The following AMPH variants were observed in gnomAD, a reference collection of about 807,000 sequenced individuals.
AMPH encodes the protein amphiphysin.
AMPH carries 49 observed loss-of-function variants against 99.1 expected under a neutral mutation model. The ratio of observed to expected loss-of-function variants is 0.49; its 90% CI spans 0.39 to 0.63. AMPH has a LOEUF of 0.63. Ranked by LOEUF, AMPH falls within the 20% of genes least tolerant of loss-of-function variation. The pLI is 0.00. For missense variants in AMPH, 759 were observed against 863.4 expected, an observed-to-expected ratio of 0.88 and a Z score of 1.52; for synonymous variants, 314 against 317.3, an observed-to-expected ratio of 0.99 and a Z score of 0.11.
chr7:38,481,354 G>T (rs988933220), intron 5 of AMPH, among the ~76,000 whole-genome samples: 2 of 151,790 alleles, frequency 1.3e-5, no homozygotes, highest in African/African-American at 4.8e-5. Flanking sequence ...AAGAGAAAAA[G>T]AAGTTGTTGA....
chr7:38,476,729 G>T (rs1390609813), intron 6 of AMPH, 133 bp downstream of exon 6: 3 of 604,422 alleles, frequency 5.0e-6, no homozygotes, highest in South Asian at 4.5e-5. Flanking sequence ...ATAATAAAAA[G>T]CACTATGTTT....
intron 13 of AMPH, 149 bp from the exon 14 acceptor site, chr7:38,430,014 G>C: frequency 1.4e-6 from 1 of 727,540 alleles, no homozygotes. Context: ...TTTGTGATAG[G>C]AATGATTTTT....
chr7:38,526,897 G>A (rs879326406), intron 2 of AMPH, among the ~76,000 whole-genome samples: 73 of 152,202 alleles, frequency 4.8e-4, no homozygotes, highest in Admixed American at 4.3e-3. Context: ...AAAGCTTTAT[G>A]TTTTATATTT....
At chr7:38,476,000 G>A (rs1788068404) in intron 6 of AMPH, among the ~76,000 whole-genome samples, 2 of 152,186 alleles carry the variant, frequency 1.3e-5, no homozygotes, top group African/African-American at 4.8e-5. Flanking sequence ...GTACCTCACA[G>A]GTTGTTTTGA....
intron 1 of AMPH, among the ~76,000 whole-genome samples, chr7:38,549,656 G>T (rs1018252361): frequency 6.6e-6 from 1 of 152,194 alleles, no homozygotes; most frequent in Non-Finnish European, 1.5e-5. Flanking sequence ...CTTATTTCAT[G>T]TCCACAGGGA....
At chr7:38,559,345 G>T (rs1171543868) in intron 1 of AMPH, among the ~76,000 whole-genome samples, 1 of 152,238 alleles carries the variant, frequency 6.6e-6, no homozygotes, top group Non-Finnish European at 1.5e-5. Flanking sequence ...ACGATGAGGT[G>T]TAAATCTAAT....
At chr7:38,455,020 A>T (rs1327049622) in intron 11 of AMPH, among the ~76,000 whole-genome samples, 1 of 152,166 alleles carries the variant, frequency 6.6e-6, no homozygotes, top group Admixed American at 6.5e-5. Flanking sequence ...CTAAAAGAAG[A>T]CAGACCAAAG....
chr7:38,578,443 A>T (rs919508676), intron 1 of AMPH, among the ~76,000 whole-genome samples: 4 of 152,112 alleles, frequency 2.6e-5, no homozygotes, highest in South Asian at 2.1e-4. Flanking sequence ...TTTAACGAAA[A>T]TTTTTTTTAA....
intron 1 of AMPH, among the ~76,000 whole-genome samples, chr7:38,597,341 T>A (rs1793095299): frequency 6.6e-6 from 1 of 152,002 alleles, no homozygotes; most frequent in Non-Finnish European, 1.5e-5. Flanking sequence ...CTACTGAATA[T>A]TTGCCCCATA....
chr7:38,590,699 C>T lies in AMPH; in HGVS notation c.69+40584G>A, dbSNP rs1489617019. On this transcript the variant is annotated intron_variant, in intron 1 of 20. Coordinates refer to ENST00000356264, the MANE Select transcript of AMPH (RefSeq NM_001635.4). Reference sequence around the variant, plus strand: ...TGGGTGTGAGCTGAGTTACAAGCTCCGTGTTTAAAGGTGGGTGCGGTCACC... The same window carrying T: ...TGGGTGTGAGCTGAGTTACAAGCTCTGTGTTTAAAGGTGGGTGCGGTCACC... 7.2e-5 allele frequency among the ~76,000 whole-genome samples: 11 copies of T among 152,218 alleles called. No homozygotes were observed. In the East Asian group the frequency reaches 1.9e-3, roughly 27 times the overall value.
intron 15 of AMPH, 76 bp from the exon 16 acceptor site, chr7:38,422,553 CGT>C: frequency 1.1e-6 from 1 of 911,912 alleles, no homozygotes; most frequent in Non-Finnish European, 1.7e-6. Context: ...TGTCTGCCTA[CGT>C]ATCTATCTAT....
intron 11 of AMPH, among the ~76,000 whole-genome samples, chr7:38,437,065 T>C (rs1429877577): frequency 6.6e-6 from 1 of 152,196 alleles, no homozygotes; most frequent in Non-Finnish European, 1.5e-5. Flanking sequence ...ATTTTTGGAT[T>C]AGAAAGAAGG....
intron 7 of AMPH, among the ~76,000 whole-genome samples, chr7:38,474,471 T>G (rs1788010589): frequency 6.6e-6 from 1 of 152,068 alleles, no homozygotes. Context: ...ACACTAGCGA[T>G]GAACACAAAA....
chr7:38,387,722 T>A (rs529781187), intron 20 of AMPH, among the ~76,000 whole-genome samples: 3 of 150,282 alleles, frequency 2.0e-5, no homozygotes, highest in Admixed American at 1.3e-4. Flanking sequence ...AAAAAGCAAA[T>A]GTAGTGAAAA....
intron 7 of AMPH, 69 bp downstream of exon 7, chr7:38,475,262 G>C (rs1375200729): frequency 4.0e-6 from 4 of 991,914 alleles, no homozygotes; most frequent in Non-Finnish European, 6.3e-6. Flanking sequence ...ATAAAGACAA[G>C]ATAAGGGATA....
chr7:38,464,460 G>A (rs1360225633), intron 9 of AMPH, among the ~76,000 whole-genome samples: 1 of 152,010 alleles, frequency 6.6e-6, no homozygotes, highest in Non-Finnish European at 1.5e-5. Flanking sequence ...CTATAAGTAG[G>A]GCTAATCCAA....
intron 1 of AMPH, among the ~76,000 whole-genome samples, chr7:38,619,806 T>C (rs1467360466): frequency 6.6e-6 from 1 of 152,200 alleles, no homozygotes; most frequent in Non-Finnish European, 1.5e-5. Flanking sequence ...GTGGTCCCCA[T>C]GGTCACAAGC....
intron 14 of AMPH, chr7:38,429,270 T>C: frequency 7.8e-7 from 1 of 1,286,236 alleles, no homozygotes. Flanking sequence ...TGGGGGCAGT[T>C]GTTCATTTCC....
chr7:38,583,612 TA>T lies in AMPH; in HGVS notation c.69+47670del, dbSNP rs148662485. On this transcript the variant is annotated intron_variant, in intron 1 of 20. Coordinates refer to ENST00000356264, the MANE Select transcript of AMPH (RefSeq NM_001635.4). ...GGATAGACATATTCTATCAGGTATT[TA>T]TTTCCTAAATGCTATTGTGTGCCAG... Among the ~76,000 whole-genome samples the T allele has an allele frequency of 4.6e-3, 708 of 152,348 alleles. 10 individuals are homozygous for T. The highest frequency in any genetic ancestry group is 0.016 in the African/African-American group (659 of 41,580).
Sources: allele counts gnomAD v4.1 joint callset (sites outside exome capture counted in the v4.1 genomes callset), GRCh38; gene constraint gnomAD v4.1.1; transcripts MANE v1.5; gene names NCBI Gene and HGNC (gene_info 2026-07-23, HGNC 2026-07-21).